ADAMTS16: variants seen among roughly 807,000 people sequenced by gnomAD.
The protein encoded by ADAMTS16 is A disintegrin and metalloproteinase with thrombospondin motifs 16.
A neutral mutation model predicts 145.8 loss-of-function variants in ADAMTS16; 94 were observed. The ratio of observed to expected loss-of-function variants is 0.64; its 90% CI spans 0.55 to 0.77. The LOEUF is 0.77. ADAMTS16 is among the 30% of genes least tolerant of loss of function. ADAMTS16 has a pLI of 0.00. For synonymous variants in ADAMTS16, 659 were observed against 604.3 expected (o/e 1.09, Z -1.33); for missense variants, 1,585 against 1,591.5 (o/e 1.00, Z 0.07).
At chr5:5,281,107 G>A (rs1738889160) in intron 18 of ADAMTS16, among the ~76,000 whole-genome samples, 2 of 152,240 alleles carry the variant, frequency 1.3e-5, no homozygotes, top group Admixed American at 6.5e-5. Context: ...TGGAGTGTCA[G>A]TGCAGAAATG....
intron 8 of ADAMTS16, among the ~76,000 whole-genome samples, chr5:5,192,631 C>A (rs372076461): frequency 3.4e-4 from 52 of 152,246 alleles, no homozygotes; most frequent in African/African-American, 1.3e-3. Context: ...GGGAGCCCCA[C>A]GAGCCTGGGG....
intron 10 of ADAMTS16, among the ~76,000 whole-genome samples, chr5:5,213,154 G>A (rs976157678): frequency 1.3e-5 from 2 of 152,210 alleles, no homozygotes; most frequent in African/African-American, 4.8e-5. Context: ...TGTAGTTTTT[G>A]TTTAAAAATA....
chr5:5,199,247 C>T (rs1340184966), intron 8 of ADAMTS16, among the ~76,000 whole-genome samples: 5 of 152,132 alleles, frequency 3.3e-5, no homozygotes, highest in African/African-American at 1.2e-4. Flanking sequence ...AGGTGCACGG[C>T]TCCATTTTCT....
rs755430389 is a variant in ADAMTS16 at position 5,222,827 on chromosome 5, G to A, written c.1644G>A (p.Arg548=). The part of the protein sequence containing the change: ...CKALWCHRIG[R]KCETKFMPAA... The stretch of plus-strand genomic sequence containing the variant: ...CCCTGTGGTGCCATCGTATTGGAAG[G>A]AAATGTGAGACTAAATTTATGCCAG... The change falls in exon 11 of 23, where the codon AGG becomes AGA. Residue 548 remains arginine, a synonymous_variant. Transcript: ENST00000274181. The A allele has an allele frequency of 6.2e-7, 1 of 1,614,122 alleles. No homozygotes were observed. The highest frequency in any genetic ancestry group is 8.5e-7 in the Non-Finnish European group (1 of 1,179,990).
At chr5:5,168,148 G>A (rs1734932351) in intron 3 of ADAMTS16, among the ~76,000 whole-genome samples, 1 of 151,986 alleles carries the variant, frequency 6.6e-6, no homozygotes, top group African/African-American at 2.4e-5. Context: ...TACTTATTAT[G>A]ATGACATTTA....
chr5:5,142,978 G>A (rs1254452293), intron 2 of ADAMTS16, among the ~76,000 whole-genome samples: 1 of 152,260 alleles, frequency 6.6e-6, no homozygotes, highest in East Asian at 1.9e-4. Flanking sequence ...TTTAATAAAT[G>A]GTGCTGGGAA....
chr5:5,148,696 A>C (rs1734366454), intron 3 of ADAMTS16, among the ~76,000 whole-genome samples: 1 of 152,200 alleles, frequency 6.6e-6, no homozygotes. Context: ...GAAAGGAAAA[A>C]CTAAACAAAC....
intron 18 of ADAMTS16, among the ~76,000 whole-genome samples, chr5:5,300,487 A>G (rs190544082): frequency 1.5e-3 from 229 of 152,310 alleles, no homozygotes; most frequent in African/African-American, 5.2e-3. Flanking sequence ...TGTATTTTTT[A>G]TGTGTACACA....
chr5:5,303,491 T>C lies in ADAMTS16; in HGVS notation c.2991+22T>C, dbSNP rs1739882744. The C allele has an allele frequency of 4.4e-6, 7 of 1,607,984 alleles. No homozygotes were observed. The East Asian group carries it at 1.6e-4, about 36-fold the overall frequency. Reference sequence around the variant, plus strand: ...AGAGGTAACCAGGGTGGGGTTGGCATGGGTGGCAGCAGGGCCCCTGCATGA... The same window carrying C: ...AGAGGTAACCAGGGTGGGGTTGGCACGGGTGGCAGCAGGGCCCCTGCATGA... On this transcript the variant is annotated intron_variant, in intron 19 of 22. Transcript: ENST00000274181.
At chr5:5,149,702 C>A (rs1212155126) in intron 3 of ADAMTS16, among the ~76,000 whole-genome samples, 1 of 152,112 alleles carries the variant, frequency 6.6e-6, no homozygotes, top group Non-Finnish European at 1.5e-5. Flanking sequence ...CAAAAATAAA[C>A]CCTTATGGGC....
intron 9 of ADAMTS16, among the ~76,000 whole-genome samples, chr5:5,201,910 C>CT (rs543452597): frequency 1.3e-5 from 2 of 151,872 alleles, no homozygotes; most frequent in Admixed American, 6.6e-5. Context: ...TGTGTCCTAC[C>CT]TTTTTTTTGT....
intron 17 of ADAMTS16, among the ~76,000 whole-genome samples, chr5:5,251,028 T>G (rs2126408728): frequency 6.6e-6 from 1 of 152,214 alleles, no homozygotes; most frequent in South Asian, 2.1e-4. Context: ...CTCCCCAGTG[T>G]CCTTGAGCCA....
At chr5:5,225,641 G>GAA (rs150977231) in intron 11 of ADAMTS16, among the ~76,000 whole-genome samples, 19,096 of 151,380 alleles carry the variant, frequency 0.13, 1,191 homozygotes, top group East Asian at 0.16. Context: ...AAGCAGGAAA[G>GAA]AAGAAAGAGG....
intron 4 of ADAMTS16, among the ~76,000 whole-genome samples, chr5:5,182,710 A>G (rs1207379979): frequency 6.6e-6 from 1 of 152,182 alleles, no homozygotes; most frequent in Non-Finnish European, 1.5e-5. Context: ...GCTTATATAC[A>G]TTACCACATC....
intron 3 of ADAMTS16, among the ~76,000 whole-genome samples, chr5:5,178,922 C>T (rs1281249745): frequency 2.0e-5 from 3 of 151,950 alleles, no homozygotes; most frequent in East Asian, 3.9e-4. Context: ...CTGGGTGCAC[C>T]AACACTCAGG....
intron 2 of ADAMTS16, chr5:5,142,066 A>T (rs1196717581): frequency 5.2e-5 from 2 of 38,412 alleles, no homozygotes; most frequent in South Asian, 1.4e-3. Context: ...ATTTTTGTAA[A>T]AAAAAAAAAA....
chr5:5,233,788 G>C (rs1169571656), intron 12 of ADAMTS16, among the ~76,000 whole-genome samples: 1 of 152,144 alleles, frequency 6.6e-6, no homozygotes, highest in African/African-American at 2.4e-5. Flanking sequence ...TTGTGAAGGT[G>C]CTGCACAATG....
chr5:5,183,696 G>C (rs1309886520), intron 4 of ADAMTS16, among the ~76,000 whole-genome samples: 1 of 152,206 alleles, frequency 6.6e-6, no homozygotes, highest in Non-Finnish European at 1.5e-5. Context: ...GCACAGCTAA[G>C]GCACAGCTCT....
Position 5,215,888 on chromosome 5 carries a change from A to G in ADAMTS16, c.1605+6642A>G, listed in dbSNP as rs1247101471. Reference sequence around the variant, plus strand: ...TGTATGTGTATATATATATATATATATATATATATATATATATATATATAT... The same window carrying G: ...TGTATGTGTATATATATATATATATGTATATATATATATATATATATATAT... On this transcript the variant is annotated intron_variant, in intron 10 of 22. Transcript: ENST00000274181. Among the ~76,000 whole-genome samples the G allele has an allele frequency of 6.2e-3, 547 of 88,058 alleles. 9 individuals carry two copies. Among genetic ancestry groups the G allele is most frequent in the East Asian group, 0.029 (120 of 4,086 alleles). 57.8% of individuals were successfully genotyped at this position (88,058 alleles called of 152,430 possible). A position where few individuals can be genotyped will look rare whatever the true frequency, so the allele number is the denominator to read the frequency against.
Sources: gnomAD v4.1 joint callset for allele counts (sites outside exome capture counted in the v4.1 genomes callset) on GRCh38, gnomAD v4.1.1 for gene constraint, MANE v1.5 for transcripts, NCBI Gene and HGNC (gene_info 2026-07-23, HGNC 2026-07-21) for gene names.